Variants in ZNF521 observed in about 807,000 individuals in gnomAD.
The protein encoded by ZNF521 is zinc finger protein 521.
Under a neutral mutation model 105.5 loss-of-function variants are expected in ZNF521, and 14 were observed. That is an observed-to-expected ratio of 0.13 (90% CI 0.09 to 0.21). The LOEUF is 0.21. ZNF521 is among the 10% of genes least tolerant of loss of function. ZNF521 has a pLI of 1.00. For missense variants in ZNF521, 1,233 were observed against 1,629.7 expected, an observed-to-expected ratio of 0.76 and a Z score of 4.19; for synonymous variants, 635 against 606.0, an observed-to-expected ratio of 1.05 and a Z score of -0.70.
At chr18:25,121,273 C>CTTT (rs55714696) in intron 5 of ZNF521, among the ~76,000 whole-genome samples, 1 of 126,228 alleles carries the variant, frequency 7.9e-6, no homozygotes, top group Admixed American at 8.2e-5. Context: ...CTTCTTCTTC[C>CTTT]TTTTTTTTTT....
At chr18:25,294,544 T>C (rs938040407) in intron 3 of ZNF521, among the ~76,000 whole-genome samples, 1 of 152,144 alleles carries the variant, frequency 6.6e-6, no homozygotes, top group Non-Finnish European at 1.5e-5. Context: ...TTTTGCATAA[T>C]TGCCTTACAT....
At chr18:25,126,099 T>C (rs942794825) in intron 5 of ZNF521, among the ~76,000 whole-genome samples, 2 of 152,040 alleles carry the variant, frequency 1.3e-5, no homozygotes, top group African/African-American at 4.8e-5. Context: ...CAGGAATGAA[T>C]AACCTTGAAA....
rs180738928 is a variant in ZNF521 at position 25,152,644 on chromosome 18, G to T, written c.3658+42516C>A. ...TTTACATCGGGTACAAAGGAGAGGA[G>T]ACCCCGGAAAATTATGATATTGTGT... On this transcript the variant is annotated intron_variant, in intron 5 of 7. Transcript: ENST00000361524. Among the ~76,000 whole-genome samples the T allele has an allele frequency of 7.7e-4, 117 of 152,164 alleles. 1 individual carries two copies. The highest frequency in any genetic ancestry group is 2.6e-3 in the African/African-American group (109 of 41,534).
chr18:25,288,225 G>C (rs1458635040), intron 3 of ZNF521, among the ~76,000 whole-genome samples: 2 of 152,172 alleles, frequency 1.3e-5, no homozygotes, highest in South Asian at 2.1e-4. Context: ...GGGACAGTAA[G>C]CACTGATACT....
At chr18:25,304,113 A>G (rs1194366398) in intron 3 of ZNF521, among the ~76,000 whole-genome samples, 2 of 152,226 alleles carry the variant, frequency 1.3e-5, no homozygotes, top group African/African-American at 4.8e-5. Flanking sequence ...ACATTTGATA[A>G]GCACCAAAGG....
chr18:25,327,391 CAT>C, intron 2 of ZNF521: 1 of 1,119,990 alleles, frequency 8.9e-7, no homozygotes, highest in Non-Finnish European at 1.1e-6. Flanking sequence ...ATTTAAAGTT[CAT>C]ATGTGTACTC....
At chr18:25,238,871 G>T (rs184036865) in intron 3 of ZNF521, among the ~76,000 whole-genome samples, 1 of 152,242 alleles carries the variant, frequency 6.6e-6, no homozygotes, top group Non-Finnish European at 1.5e-5. Flanking sequence ...TTCTGAGGAT[G>T]GGGCCCAGAA....
chr18:25,113,360 C>T (rs1057418375), intron 5 of ZNF521, among the ~76,000 whole-genome samples: 15 of 152,116 alleles, frequency 9.9e-5, no homozygotes, highest in Admixed American at 2.6e-4. Context: ...CTAACAAGGC[C>T]GCCCAGCGCC....
intron 3 of ZNF521, among the ~76,000 whole-genome samples, chr18:25,238,117 G>T (rs572890156): frequency 6.6e-6 from 1 of 152,114 alleles, no homozygotes; most frequent in Non-Finnish European, 1.5e-5. Flanking sequence ...TTGGCTCTAC[G>T]TATTAGAAAA....
At chr18:25,221,234 ATCTC>A (rs1158112942) in intron 4 of ZNF521, among the ~76,000 whole-genome samples, 5 of 152,326 alleles carry the variant, frequency 3.3e-5, no homozygotes, top group East Asian at 1.9e-4. Context: ...TCGATTTCAA[ATCTC>A]TCTATTACAT....
chr18:25,113,755 C>T (rs945957694), intron 5 of ZNF521, among the ~76,000 whole-genome samples: 2 of 122,720 alleles, frequency 1.6e-5, no homozygotes, highest in African/African-American at 6.2e-5. Context: ...GACCGAAGGA[C>T]GGACGGACAC....
intron 3 of ZNF521, among the ~76,000 whole-genome samples, chr18:25,306,757 G>T (rs1912001405): frequency 6.8e-6 from 1 of 147,630 alleles, no homozygotes; most frequent in Admixed American, 6.8e-5. Flanking sequence ...GAAAAAGAAA[G>T]AAAAAAAGCT....
At chr18:25,169,883 A>C (rs2035416411) in intron 5 of ZNF521, among the ~76,000 whole-genome samples, 1 of 152,214 alleles carries the variant, frequency 6.6e-6, no homozygotes, top group African/African-American at 2.4e-5. Flanking sequence ...GGTATGTATG[A>C]GTCACTTATG....
chr18:25,175,097 G>C (rs1244057504), intron 5 of ZNF521, among the ~76,000 whole-genome samples: 1 of 152,190 alleles, frequency 6.6e-6, no homozygotes, highest in Non-Finnish European at 1.5e-5. Context: ...TTTCCAAGGT[G>C]ATCTGAGGAA....
intron 3 of ZNF521, among the ~76,000 whole-genome samples, chr18:25,294,943 CA>C: frequency 6.8e-6 from 1 of 146,246 alleles, no homozygotes; most frequent in East Asian, 2.2e-4. Flanking sequence ...ATCTCTTTCA[CA>C]TAGTTTCTTT....
chr18:25,183,941 T>C (rs2035675963), intron 5 of ZNF521, among the ~76,000 whole-genome samples: 1 of 152,154 alleles, frequency 6.6e-6, no homozygotes, highest in South Asian at 2.1e-4. Flanking sequence ...TTTGAAATAA[T>C]ATGTAAAAGC....
At chr18:25,154,764 T>C (rs1365094509) in intron 5 of ZNF521, among the ~76,000 whole-genome samples, 1 of 152,172 alleles carries the variant, frequency 6.6e-6, no homozygotes, top group Non-Finnish European at 1.5e-5. Context: ...AGTACACACC[T>C]TCTCTTTAAA....
At chr18:25,141,004 GCTT>G (rs1162181982) in intron 5 of ZNF521, among the ~76,000 whole-genome samples, 2 of 152,132 alleles carry the variant, frequency 1.3e-5, no homozygotes, top group African/African-American at 4.8e-5. Flanking sequence ...AGGCACTCTC[GCTT>G]CTTCAAGAAA....
At chr18:25,309,621 A>G (rs12606008) in intron 3 of ZNF521, among the ~76,000 whole-genome samples, 1 of 152,220 alleles carries the variant, frequency 6.6e-6, no homozygotes, top group Admixed American at 6.5e-5. Flanking sequence ...ACCAGCATAA[A>G]ACACTGGTGA....
Sources: allele counts gnomAD v4.1 joint callset (sites outside exome capture counted in the v4.1 genomes callset), GRCh38; gene constraint gnomAD v4.1.1; transcripts MANE v1.5; gene names NCBI Gene and HGNC (gene_info 2026-07-23, HGNC 2026-07-21).